Variants in PLPPR3 observed in about 807,000 individuals in gnomAD.
PLPPR3 encodes phospholipid phosphatase-related protein type 3.
In PLPPR3, 14 loss-of-function variants were observed where a neutral mutation model predicts 27.3. The ratio of observed to expected loss-of-function variants is 0.51; its 90% CI spans 0.34 to 0.80. PLPPR3 has a LOEUF of 0.80. PLPPR3 is among the 30% of genes least tolerant of loss of function. The pLI is 0.01. For synonymous variants in PLPPR3, 671 were observed against 508.0 expected, an observed-to-expected ratio of 1.32 and a Z score of -4.32; for missense variants, 1,287 against 1,056.9, an observed-to-expected ratio of 1.22 and a Z score of -3.02.
chr19:813,526 C>A lies in PLPPR3; in HGVS notation c.1201G>T (p.Ala401Ser). Residue 401 changes from alanine (A) to serine (S), a missense_variant, in exon 8 of 8, where the codon GCC becomes TCC. Coordinates refer to ENST00000520876, the MANE Select transcript of PLPPR3 (RefSeq NM_001270366.2). The surrounding 1 kb of genome is among the most constrained non-coding windows in gnomAD (Gnocchi z 4.1). ...CTGATGAGCTGCTTGGAGCGCGAGG[C>A]GTCCAGCGGCACGTGGATGGTCATG... Reference protein sequence around the residue: ...RHMTIHVPLDASRSKQLISEW... With the variant: ...RHMTIHVPLDSSRSKQLISEW... The A allele has an allele frequency of 6.4e-7, 1 of 1,560,326 alleles. No individual in the cohort carries two copies. The highest frequency in any genetic ancestry group is 8.7e-7 in the Non-Finnish European group (1 of 1,155,136).
intron 2 of PLPPR3, 113 bp downstream of exon 2, chr19:821,372 C>T: frequency 1.1e-6 from 1 of 894,102 alleles, no homozygotes; most frequent in South Asian, 1.9e-5. Flanking sequence ...CCTGCCCCGC[C>T]CCGAGGCCAC....
intron 2 of PLPPR3, among the ~76,000 whole-genome samples, chr19:818,815 G>A (rs1190172225): frequency 1.3e-5 from 2 of 151,996 alleles, no homozygotes; most frequent in African/African-American, 2.4e-5. Flanking sequence ...TGACAGGCGT[G>A]AGCCACCACG....
chr19:820,191 A>G (rs1426650708), intron 2 of PLPPR3, among the ~76,000 whole-genome samples: 4 of 148,636 alleles, frequency 2.7e-5, no homozygotes, highest in Non-Finnish European at 5.9e-5. Context: ...CCAAAATGGT[A>G]GCTTTTTTGT....
Position 821,339 on chromosome 19 carries a change from C to A in PLPPR3, c.75+146G>T, listed in dbSNP as rs569608160. The A allele has an allele frequency of 2.1e-5, 12 of 573,096 alleles. 1 individual carries two copies. In the South Asian group the frequency reaches 2.8e-4, roughly 13 times the overall value. The allele number at this position is 573,096 out of a possible 1,614,324, so 35.5% of individuals were successfully genotyped here. A position where few individuals can be genotyped will look rare whatever the true frequency, so the allele number is the denominator to read the frequency against. The stretch of plus-strand genomic sequence containing the variant: ...CACAGCCCAAGTCCTCTGCCCCACC[C>A]CCCATCCGCCGGACACCCCGGTCCT... On this transcript the variant is annotated intron_variant, in intron 2 of 7. Coordinates refer to ENST00000520876, the MANE Select transcript of PLPPR3 (RefSeq NM_001270366.2).
intron 2 of PLPPR3, among the ~76,000 whole-genome samples, chr19:816,910 A>G (rs2035071195): frequency 6.8e-6 from 1 of 146,310 alleles, no homozygotes; most frequent in Admixed American, 6.8e-5. Context: ...CCAACTGTCC[A>G]TCCATCCACC....
In PLPPR3 at chr19:813,362, CTCCTCCTCCTCTTCCTCTTCG is replaced by C. The variant is rs767242232; in HGVS notation, c.1344_1364del (p.Asp448_Glu454del). 5.7e-5 allele frequency: 85 copies of C among 1,479,676 alleles called. 1 individual carries two copies. The Admixed American group carries it at 7.7e-4, about 13-fold the overall frequency. 91.7% of individuals were successfully genotyped at this position (1,479,676 alleles called of 1,614,324 possible). ...CCGGGCCCTCGTCCTCCTCCTCTTCCTCCTCCTCCTCTTCCTCTTCGTCCTCCTCCTCTTCCTCCTCCTCCG... is the reference window on the plus strand; with the variant it reads ...CCGGGCCCTCGTCCTCCTCCTCTTCCTCCTCCTCCTCTTCCTCCTCCTCCG... On this transcript the variant is annotated inframe_deletion, in exon 8 of 8. Coordinates refer to ENST00000520876, the MANE Select transcript of PLPPR3 (RefSeq NM_001270366.2). The surrounding 1 kb of genome is among the most constrained non-coding windows in gnomAD (Gnocchi z 4.1).
At chr19:820,029 G>A (rs758252457) in intron 2 of PLPPR3, among the ~76,000 whole-genome samples, 2 of 152,036 alleles carry the variant, frequency 1.3e-5, no homozygotes, top group Admixed American at 6.6e-5. Context: ...TTAAAATTTT[G>A]TAGAGATGGG....
rs367861303 is a variant in PLPPR3 at position 814,733 on chromosome 19, G to C, written c.616C>G (p.Gln206Glu). The change falls in exon 6 of 8, where the codon CAG becomes GAG. Residue 206 changes from glutamine to glutamate, a missense_variant. Physicochemically the swap from Gln to Glu is conservative, Grantham distance 29 (BLOSUM62 2). Coordinates refer to ENST00000520876, the MANE Select transcript of PLPPR3 (RefSeq NM_001270366.2). ...ILSARKTFPS[Q>E]HATLSAFAAV... ...GCGAAGGCTGACAGCGTGGCGTGCT[G>C]GGACGGGAAGGTCTTCCTGTAAGAG... 5.1e-6 allele frequency: 8 copies of C among 1,577,228 alleles called. No individual in the cohort carries two copies. The highest frequency in any genetic ancestry group is 1.3e-5 in the African/African-American group (1 of 74,564).
chr19:817,936 G>C (rs1599261837), intron 2 of PLPPR3, among the ~76,000 whole-genome samples: 2 of 152,164 alleles, frequency 1.3e-5, no homozygotes, highest in African/African-American at 4.8e-5. Flanking sequence ...GCCTCCAAGG[G>C]CTCAGGTGGA....
rs1313989129 is a variant in PLPPR3, at chr19:812,856, A to G, written c.1871T>C (p.Leu624Pro). 4 of 1,157,206 alleles carry G rather than the reference A, an allele frequency of 3.5e-6. No homozygotes were observed. The highest frequency in any genetic ancestry group is 3.7e-4 in the Middle Eastern group (1 of 2,722). The allele number at this position is 1,157,206 out of a possible 1,614,324, so 71.7% of individuals were successfully genotyped here. Residue 624 changes from leucine to proline, a missense_variant, in exon 8 of 8, where the codon CTG becomes CCG. Coordinates refer to ENST00000520876, the MANE Select transcript of PLPPR3 (RefSeq NM_001270366.2). ...GGCCCCGCCGCGGAAGCCGCGCGCC[A>G]GGTCCCCCAGCTCGTAGCCGCCGTC... ...EADGGYELGD[L>P]ARGFRGGAKP...
chr19:822,255 T>C (rs1228920833), upstream of PLPPR3, among the ~76,000 whole-genome samples: 1 of 149,692 alleles, frequency 6.7e-6, no homozygotes, highest in Non-Finnish European at 1.5e-5. Flanking sequence ...CCCGGGTGGC[T>C]GCGGTCGGCC....
chr19:816,545 C>CCCAT (rs1241638850), intron 2 of PLPPR3, among the ~76,000 whole-genome samples: 11 of 146,768 alleles, frequency 7.5e-5, no homozygotes, highest in African/African-American at 1.3e-4. Context: ...CCCAGTGGTA[C>CCCAT]CCATCCATCC....
In PLPPR3 at chr19:815,226, G is replaced by A; in HGVS notation, c.363C>T (p.Cys121=). ...TACGCCGCAGGAAGGAGTTGAAGTT[G>A]CAGCCGCCGGCGTTGATGCTGCCCT... ...GAEGSINAGG[C]NFNSFLRRTV... Residue 121 remains cysteine, a synonymous_variant, in exon 4 of 8, where the codon TGC becomes TGT. Coordinates refer to ENST00000520876, the MANE Select transcript of PLPPR3 (RefSeq NM_001270366.2). The A allele has an allele frequency of 6.3e-7, 1 of 1,594,162 alleles. No individual in the cohort carries two copies. The highest frequency in any genetic ancestry group is 8.5e-7 in the Non-Finnish European group (1 of 1,173,366).
At chr19:817,719 G>A (rs968229823) in intron 2 of PLPPR3, among the ~76,000 whole-genome samples, 5 of 152,174 alleles carry the variant, frequency 3.3e-5, no homozygotes, top group African/African-American at 1.2e-4. Context: ...GAATTGGATC[G>A]AGGGAGCTGA....
In PLPPR3 at chr19:812,950, C is replaced by G; in HGVS notation, c.1777G>C (p.Val593Leu). 7.0e-7 allele frequency: 1 copy of G among 1,426,010 alleles called. No homozygotes were observed. Among genetic ancestry groups the G allele is most frequent in the South Asian group, 1.3e-5 (1 of 75,870 alleles). The allele number at this position is 1,426,010 out of a possible 1,614,324, so 88.3% of individuals were successfully genotyped here. A position where few individuals can be genotyped will look rare whatever the true frequency, so the allele number is the denominator to read the frequency against. ...GGCGCGCCGCCGGCCGACAGGTGCA[C>G]CACGGGGTGGTGCGGCGCGTGCGCG... ...IDAHAPHHPV[V>L]HLSAGGAPWE... The change falls in exon 8 of 8, where the codon GTG (valine) becomes CTG (leucine). Residue 593 changes from valine to leucine, a missense_variant. Coordinates refer to ENST00000520876, the MANE Select transcript of PLPPR3 (RefSeq NM_001270366.2).
intron 2 of PLPPR3, among the ~76,000 whole-genome samples, chr19:817,421 C>T (rs186270238): frequency 1.4e-3 from 206 of 152,192 alleles, no homozygotes; most frequent in Non-Finnish European, 1.4e-3. Flanking sequence ...TACAAGCGTG[C>T]ACTACCACAC....
intron 2 of PLPPR3, among the ~76,000 whole-genome samples, chr19:819,471 G>A (rs998077824): frequency 6.6e-6 from 1 of 151,330 alleles, no homozygotes; most frequent in Non-Finnish European, 1.5e-5. Context: ...TGTATTTTTA[G>A]TAGAGATGGG....
chr19:815,496 G>T (rs1020977570), intron 3 of PLPPR3, among the ~76,000 whole-genome samples, 169 bp from the exon 4 acceptor site: 6 of 150,334 alleles, frequency 4.0e-5, no homozygotes, highest in Non-Finnish European at 4.4e-5. Flanking sequence ...CACAGGCCCC[G>T]GTGTGGATGT....
Position 813,018 on chromosome 19 carries a change from C to A in PLPPR3, c.1709G>T (p.Arg570Leu). ...GGCGGAGTCGCGGTCCGACGGCGAC[C>A]GGTACTGCGAGGAGTCGGAGCTGGC... ...SSASSDSSQY[R>L]SPSDRDSASI... The change falls in exon 8 of 8, where the codon CGG becomes CTG. Residue 570 changes from arginine (R) to leucine (L), a missense_variant. Coordinates refer to ENST00000520876, the MANE Select transcript of PLPPR3 (RefSeq NM_001270366.2). This position sits in a 1 kb window ranked among gnomAD's most constrained non-coding sequence, Gnocchi z 4.1. The A allele has an allele frequency of 6.6e-7, 1 of 1,519,006 alleles. No homozygotes were observed. The highest frequency in any genetic ancestry group is 2.7e-5 in the East Asian group (1 of 37,502). 94.1% of individuals were successfully genotyped at this position (1,519,006 alleles called of 1,614,324 possible). A position where few individuals can be genotyped will look rare whatever the true frequency, so the allele number is the denominator to read the frequency against.
Sources: allele counts gnomAD v4.1 joint callset (sites outside exome capture counted in the v4.1 genomes callset), GRCh38; gene constraint gnomAD v4.1.1; non-coding constraint Gnocchi (gnomAD v3.1); transcripts MANE v1.5; gene names NCBI Gene and HGNC (gene_info 2026-07-23, HGNC 2026-07-21).